Variants in FRMD1 observed in about 807,000 individuals in gnomAD.
The protein encoded by FRMD1 is FERM domain containing 1, also known as FERM domain-containing protein 1.
A neutral mutation model predicts 54.9 loss-of-function variants in FRMD1; 51 were observed. The observed-to-expected ratio is 0.93, with a 90% CI of 0.74 to 1.17. The LOEUF (loss-of-function observed/expected upper bound fraction) is 1.17. FRMD1 is among the 50% of genes most tolerant of loss of function. The pLI is 0.00. For missense variants in FRMD1, 729 were observed against 743.0 expected, an observed-to-expected ratio of 0.98 and a Z score of 0.22; for synonymous variants, 324 against 306.4, an observed-to-expected ratio of 1.06 and a Z score of -0.60.
chr6:168,077,739 TC>T (rs1161703297), intron 1 of FRMD1, among the ~76,000 whole-genome samples: 1 of 152,238 alleles, frequency 6.6e-6, no homozygotes, highest in African/African-American at 2.4e-5. Flanking sequence ...ACCGTGAAGT[TC>T]CGTGCAAGAA....
chr6:168,069,560 CT>C (rs1337316207), intron 2 of FRMD1, among the ~76,000 whole-genome samples: 3 of 152,160 alleles, frequency 2.0e-5, no homozygotes, highest in Non-Finnish European at 4.4e-5. Context: ...CTGGGGTTAC[CT>C]TTGCCTCGGT....
intron 1 of FRMD1, among the ~76,000 whole-genome samples, chr6:168,089,558 ACT>A: frequency 6.6e-6 from 1 of 152,310 alleles, no homozygotes; most frequent in South Asian, 2.1e-4. Flanking sequence ...TATCACGCAC[ACT>A]GTTTACCGTC....
At chr6:168,080,200 C>CTGG (rs1800787773), upstream of FRMD1, among the ~76,000 whole-genome samples, 1 of 152,096 alleles carries the variant, frequency 6.6e-6, no homozygotes, top group Admixed American at 6.5e-5. Flanking sequence ...GCCCTAAGGC[C>CTGG]CGGCCCGGTG....
chr6:168,076,751 A>C (rs1391889981), intron 1 of FRMD1, among the ~76,000 whole-genome samples: 2 of 152,224 alleles, frequency 1.3e-5, no homozygotes, highest in Admixed American at 6.5e-5. Flanking sequence ...TTGTCTGCTT[A>C]ACTTGGTGAG....
At chr6:168,079,703 G>A (rs944045796), upstream of FRMD1, among the ~76,000 whole-genome samples, 1 of 152,170 alleles carries the variant, frequency 6.6e-6, no homozygotes, top group Non-Finnish European at 1.5e-5. Flanking sequence ...TTAGGGGCTG[G>A]AAACTGAGGA....
chr6:168,092,619 T>G (rs1356644105), intron 1 of FRMD1, among the ~76,000 whole-genome samples: 1 of 152,012 alleles, frequency 6.6e-6, no homozygotes, highest in Non-Finnish European at 1.5e-5. Context: ...TGCAAGAAGG[T>G]GCCGTCTGCA....
At chr6:168,057,436 C>A (rs1408838443) in intron 10 of FRMD1, 97 bp from the exon 11 acceptor site, 3 of 1,527,186 alleles carry the variant, frequency 2.0e-6, no homozygotes, top group Non-Finnish European at 2.6e-6. Flanking sequence ...AGCCACACTC[C>A]CTGCCAATGC....
chr6:168,061,781 G>A, intron 8 of FRMD1, 26 bp downstream of exon 8: 3 of 1,534,056 alleles, frequency 2.0e-6, no homozygotes, highest in Non-Finnish European at 2.6e-6. Context: ...CGGCTGCGGA[G>A]CCCAGCATAC....
At chr6:168,085,635 G>A (rs574368384), upstream of FRMD1, among the ~76,000 whole-genome samples, 7 of 152,348 alleles carry the variant, frequency 4.6e-5, no homozygotes, top group East Asian at 9.6e-4. Context: ...AGGCCTGGAC[G>A]GAAGGGCGTG....
chr6:168,075,336 C>T lies in FRMD1; in HGVS notation c.214-1G>A, dbSNP rs535778539. The stretch of plus-strand genomic sequence containing the variant: ...AAAGCTCGCGGCCAGTAGCCTTCAC[C>T]TGCAAAAGAGGTGGGGAGGGGTTCA... On this transcript the variant is annotated splice_acceptor_variant, in intron 1 of 10. Transcript: ENST00000283309. LOFTEE classifies it high-confidence loss of function. 3.7e-6 allele frequency: 6 copies of T among 1,612,116 alleles called. No individual in the cohort carries two copies. The East Asian group carries it at 1.3e-4, about 36-fold the overall frequency.
intron 1 of FRMD1, among the ~76,000 whole-genome samples, chr6:168,091,837 G>A (rs1369254682): frequency 6.6e-6 from 1 of 152,228 alleles, no homozygotes; most frequent in Non-Finnish European, 1.5e-5. Context: ...CCAGGTCCCA[G>A]ACTAATAGAC....
At chr6:168,087,017 C>T (rs956704061) in intron 1 of FRMD1, among the ~76,000 whole-genome samples, 3 of 152,004 alleles carry the variant, frequency 2.0e-5, no homozygotes, top group Non-Finnish European at 2.9e-5. Context: ...CACCTCTCCC[C>T]GCTCACACTC....
intron 1 of FRMD1, among the ~76,000 whole-genome samples, chr6:168,086,674 C>T (rs541231199): frequency 1.3e-5 from 2 of 152,370 alleles, no homozygotes; most frequent in South Asian, 4.1e-4. Context: ...TGGACATGGG[C>T]CACTGGCTGT....
chr6:168,067,027 C>A, intron 3 of FRMD1, 196 bp from the exon 4 acceptor site: 1 of 783,100 alleles, frequency 1.3e-6, no homozygotes, highest in Non-Finnish European at 2.2e-6. Flanking sequence ...TGGTCTACAG[C>A]GTTCAAGAAC....
At chr6:168,076,987 G>A (rs531440732) in intron 1 of FRMD1, among the ~76,000 whole-genome samples, 1 of 151,846 alleles carries the variant, frequency 6.6e-6, no homozygotes, top group African/African-American at 2.4e-5. Flanking sequence ...ATACGGATGC[G>A]TGCACACCCC....
chr6:168,079,136 G>A lies in FRMD1; in HGVS notation c.-42C>T. 6.5e-7 allele frequency: 1 copy of A among 1,546,904 alleles called. No individual in the cohort carries two copies. The highest frequency in any genetic ancestry group is 1.2e-5 in the South Asian group (1 of 83,220). Reference sequence around the variant, plus strand: ...CCTCCCCCGCCATGGGTCGCAGGTGGGTGCTCAGCACCTCCCAGATCACAG... The same window carrying A: ...CCTCCCCCGCCATGGGTCGCAGGTGAGTGCTCAGCACCTCCCAGATCACAG... On this transcript the variant is annotated 5_prime_UTR_variant, in exon 1 of 11. Coordinates refer to ENST00000283309, the MANE Select transcript of FRMD1 (RefSeq NM_024919.6).
Position 168,053,610 on chromosome 6 carries a change from G to T in FRMD1, c.*3487C>A, listed in dbSNP as rs997109119. 1 of 151,988 alleles carries T rather than the reference G, an allele frequency of 6.6e-6. No homozygotes were observed. The highest frequency in any genetic ancestry group is 2.4e-5 in the African/African-American group (1 of 41,284). 9.4% of individuals were successfully genotyped at this position (151,988 alleles called of 1,614,324 possible). ...GAAAGGAGCGTGACGGATGAACCCT[G>T]AGTGGAAGGGGCCGCCTGTCCCAAA... On this transcript the variant is annotated 3_prime_UTR_variant, in exon 11 of 11. Transcript: ENST00000283309.
intron 2 of FRMD1, among the ~76,000 whole-genome samples, chr6:168,071,069 G>A (rs1800285583): frequency 6.6e-6 from 1 of 152,202 alleles, no homozygotes; most frequent in Non-Finnish European, 1.5e-5. Context: ...CCTTGACACT[G>A]GTGTGACAGC....
chr6:168,062,378 C>T (rs560327984), intron 7 of FRMD1, among the ~76,000 whole-genome samples: 13 of 152,354 alleles, frequency 8.5e-5, no homozygotes, highest in African/African-American at 2.9e-4. Context: ...AGAGGCCACA[C>T]AGGTGCGTTT....
Sources: gnomAD v4.1 joint callset for allele counts (sites outside exome capture counted in the v4.1 genomes callset) on GRCh38, gnomAD v4.1.1 for gene constraint, MANE v1.5 for transcripts, NCBI Gene and HGNC (gene_info 2026-07-23, HGNC 2026-07-21) for gene names.